The following NAALADL2 variants were observed in gnomAD, a reference collection of about 807,000 sequenced individuals.
The protein encoded by NAALADL2 is inactive N-acetylated-alpha-linked acidic dipeptidase-like protein 2.
In NAALADL2, 76 loss-of-function variants were observed where a neutral mutation model predicts 87.2. The ratio of observed to expected loss-of-function variants is 0.87; its 90% CI spans 0.72 to 1.05. NAALADL2 has a LOEUF of 1.05. NAALADL2 is among the 50% of genes least tolerant of loss of function. The pLI is 0.00. For missense variants in NAALADL2, 1,089 were observed against 945.8 expected, an observed-to-expected ratio of 1.15 and a Z score of -1.99; for synonymous variants, 354 against 331.0, an observed-to-expected ratio of 1.07 and a Z score of -0.75.
chr3:174,843,660 T>A (rs1039173001), intron 3 of NAALADL2, among the ~76,000 whole-genome samples: 11 of 152,168 alleles, frequency 7.2e-5, no homozygotes, highest in African/African-American at 2.7e-4. Flanking sequence ...CCAACAACAA[T>A]GTGTAAGTGT....
At chr3:174,836,902 A>G (rs906677613) in intron 3 of NAALADL2, among the ~76,000 whole-genome samples, 16 of 152,172 alleles carry the variant, frequency 1.1e-4, no homozygotes, top group African/African-American at 3.6e-4. Context: ...ATAGGGAAAT[A>G]TTTTTTGCAA....
intron 11 of NAALADL2, among the ~76,000 whole-genome samples, chr3:175,688,782 A>G (rs892378717): frequency 2.3e-4 from 35 of 152,134 alleles, no homozygotes; most frequent in Non-Finnish European, 4.3e-4. Context: ...CTTCACTCCT[A>G]TAAGGTACCT....
chr3:175,736,394 A>C (rs1744508770), intron 11 of NAALADL2, among the ~76,000 whole-genome samples: 1 of 152,264 alleles, frequency 6.6e-6, no homozygotes, highest in Non-Finnish European at 1.5e-5. Flanking sequence ...ATAGAATAAA[A>C]GCATGAAGAA....
chr3:174,619,071 T>C (rs1228005944), intron 2 of NAALADL2, among the ~76,000 whole-genome samples: 1 of 151,894 alleles, frequency 6.6e-6, no homozygotes, highest in African/African-American at 2.4e-5. Flanking sequence ...CCTTTTTACA[T>C]TGGTCAAGGT....
chr3:174,878,309 AT>A (rs1372817811), intron 1 of NAALADL2, among the ~76,000 whole-genome samples: 1 of 151,954 alleles, frequency 6.6e-6, no homozygotes, highest in Admixed American at 6.6e-5. Context: ...AGTTAATGCC[AT>A]TTTTTTCTGA....
chr3:174,667,628 G>T (rs888785129), intron 2 of NAALADL2, among the ~76,000 whole-genome samples: 3 of 145,350 alleles, frequency 2.1e-5, no homozygotes, highest in Non-Finnish European at 4.5e-5. Context: ...GAGTTTTATA[G>T]TGGGCATACT....
intron 1 of NAALADL2, among the ~76,000 whole-genome samples, chr3:174,955,278 A>G (rs1740986582): frequency 6.6e-6 from 1 of 152,134 alleles, no homozygotes; most frequent in South Asian, 2.1e-4. Context: ...ACCAATTTCC[A>G]TAGTTATTTT....
intron 2 of NAALADL2, among the ~76,000 whole-genome samples, chr3:174,726,462 A>AT (rs1046551291): frequency 2.0e-5 from 3 of 152,042 alleles, no homozygotes; most frequent in African/African-American, 7.2e-5. Flanking sequence ...ACTAATTATA[A>AT]TTTTTAAAAT....
At chr3:175,165,759 T>G (rs1376021054) in intron 2 of NAALADL2, among the ~76,000 whole-genome samples, 1 of 152,132 alleles carries the variant, frequency 6.6e-6, no homozygotes, top group Non-Finnish European at 1.5e-5. Flanking sequence ...CATCTCTTGC[T>G]GACTCACTTT....
intron 1 of NAALADL2, among the ~76,000 whole-genome samples, chr3:174,892,870 C>T (rs1275960704): frequency 1.4e-5 from 2 of 138,788 alleles, no homozygotes; most frequent in East Asian, 4.4e-4. Context: ...TGCAGTGAGC[C>T]AAGATCACAC....
intron 1 of NAALADL2, among the ~76,000 whole-genome samples, chr3:174,942,445 C>G (rs1160898884): frequency 6.6e-6 from 1 of 152,148 alleles, no homozygotes; most frequent in Non-Finnish European, 1.5e-5. Context: ...CCTGCCCTTT[C>G]TCTCTAGCTG....
intron 11 of NAALADL2, among the ~76,000 whole-genome samples, chr3:175,734,565 A>T (rs1744243629): frequency 6.6e-6 from 1 of 151,528 alleles, no homozygotes; most frequent in African/African-American, 2.4e-5. Flanking sequence ...TCAAAAAAAG[A>T]AAAAAAAAGA....
intron 1 of NAALADL2, among the ~76,000 whole-genome samples, chr3:174,523,969 T>A (rs1458819038): frequency 6.6e-6 from 1 of 152,294 alleles, no homozygotes; most frequent in East Asian, 1.9e-4. Flanking sequence ...ATTAGAAAAT[T>A]AAAACAATTT....
intron 9 of NAALADL2, among the ~76,000 whole-genome samples, chr3:175,518,467 C>A (rs1003571491): frequency 1.3e-5 from 2 of 152,152 alleles, no homozygotes; most frequent in African/African-American, 4.8e-5. Flanking sequence ...TGTCTTAGTC[C>A]ATCTTTTGTT....
rs1246568057 is a variant in NAALADL2, at chr3:175,802,874, CGTGAT to C, written c.2190-130_2190-126del. Reference sequence around the variant, plus strand: ...GTTAATTCATTAGGAGTTGAAAAATCGTGATATTATATTTTTATAATTTATTCATT... The same window carrying C: ...GTTAATTCATTAGGAGTTGAAAAATCATTATATTTTTATAATTTATTCATT... On this transcript the variant is annotated intron_variant, in intron 13 of 13. Transcript: ENST00000454872. The C allele has an allele frequency of 2.8e-5, 17 of 606,004 alleles. No homozygotes were observed. In the South Asian group the frequency reaches 3.3e-4, roughly 12 times the overall value. 37.5% of individuals were successfully genotyped at this position (606,004 alleles called of 1,614,324 possible).
At chr3:175,432,352 C>T (rs1444154234) in intron 5 of NAALADL2, among the ~76,000 whole-genome samples, 1 of 151,946 alleles carries the variant, frequency 6.6e-6, no homozygotes, top group Non-Finnish European at 1.5e-5. Context: ...CAGTTCTCTT[C>T]CTTCTGCATA....
At chr3:175,392,146 G>T (rs781554847) in intron 5 of NAALADL2, among the ~76,000 whole-genome samples, 7 of 152,130 alleles carry the variant, frequency 4.6e-5, no homozygotes, top group Non-Finnish European at 8.8e-5. Flanking sequence ...ATGCTTTTCT[G>T]CTTCTCTGTG....
intron 1 of NAALADL2, chr3:174,536,492 C>T (rs1016799276): frequency 4.6e-5 from 7 of 152,200 alleles, no homozygotes; most frequent in African/African-American, 1.2e-4. Context: ...AAGCAACTGT[C>T]GTTTTGAGTG....
chr3:175,226,022 C>T (rs986741342), intron 2 of NAALADL2, among the ~76,000 whole-genome samples: 7 of 151,984 alleles, frequency 4.6e-5, no homozygotes, highest in African/African-American at 9.7e-5. Context: ...CTTACTGTCA[C>T]GTGGAACATA....
Sources: gnomAD v4.1 joint callset for allele counts (sites outside exome capture counted in the v4.1 genomes callset) on GRCh38, gnomAD v4.1.1 for gene constraint, MANE v1.5 for transcripts, NCBI Gene and HGNC (gene_info 2026-07-23, HGNC 2026-07-21) for gene names.